RSPO2: variants seen among roughly 807,000 people sequenced by gnomAD.
RSPO2 encodes the protein R-spondin-2.
RSPO2 carries 14 observed loss-of-function variants against 30.9 expected under a neutral mutation model. The ratio of observed to expected loss-of-function variants is 0.45; its 90% CI spans 0.30 to 0.71. The LOEUF (loss-of-function observed/expected upper bound fraction) is 0.71, where lower values mean the gene tolerates loss of function less well. RSPO2 is among the 30% of genes least tolerant of loss of function. The probability of loss-of-function intolerance (pLI) is 0.08; values close to 1 mark genes in which losing one functional copy is unlikely to be tolerated. For synonymous variants in RSPO2, 107 were observed against 96.4 expected (o/e 1.11, Z -0.64); for missense variants, 264 against 301.9 (o/e 0.87, Z 0.93).
intron 2 of RSPO2, among the ~76,000 whole-genome samples, chr8:108,013,883 C>T (rs1482314695): frequency 1.3e-5 from 2 of 152,104 alleles, no homozygotes; most frequent in African/African-American, 4.8e-5. Flanking sequence ...TTCTGCACAG[C>T]AAGAGAAACT....
At chr8:108,056,437 G>A (rs915804152) in intron 2 of RSPO2, among the ~76,000 whole-genome samples, 4 of 148,142 alleles carry the variant, frequency 2.7e-5, no homozygotes, top group Admixed American at 1.3e-4. Flanking sequence ...TGGGCAACAT[G>A]GCAAAACCCC....
chr8:107,914,167 C>T (rs1811905641), intron 5 of RSPO2, among the ~76,000 whole-genome samples: 1 of 152,018 alleles, frequency 6.6e-6, no homozygotes, highest in Non-Finnish European at 1.5e-5. Flanking sequence ...CAAAACAAAC[C>T]TTCCATGATC....
At chr8:108,051,416 C>A (rs2130679665) in intron 2 of RSPO2, among the ~76,000 whole-genome samples, 1 of 152,244 alleles carries the variant, frequency 6.6e-6, no homozygotes, top group African/African-American at 2.4e-5. Flanking sequence ...AAAATGTTTT[C>A]TTTGGAACTG....
At chr8:107,939,121 T>C (rs1165277246) in intron 5 of RSPO2, among the ~76,000 whole-genome samples, 1 of 152,116 alleles carries the variant, frequency 6.6e-6, no homozygotes, top group East Asian at 1.9e-4. Flanking sequence ...ATAAGATAAT[T>C]CTTGCTTGTT....
intron 5 of RSPO2, among the ~76,000 whole-genome samples, chr8:107,913,088 A>AG (rs60834717): frequency 0.097 from 14,722 of 152,270 alleles, 832 homozygotes; most frequent in East Asian, 0.18. Context: ...TTTAAGGTGA[A>AG]GATATCCCAA....
chr8:108,008,790 A>AAAAT (rs1450787422), intron 2 of RSPO2, among the ~76,000 whole-genome samples: 2 of 149,420 alleles, frequency 1.3e-5, no homozygotes, highest in Admixed American at 1.3e-4. Context: ...TAAACTGCAA[A>AAAAT]AAAAAAAAAA....
intron 3 of RSPO2, among the ~76,000 whole-genome samples, chr8:107,967,199 C>A (rs1813834455): frequency 1.3e-5 from 2 of 152,122 alleles, no homozygotes; most frequent in Admixed American, 1.3e-4. Context: ...AGTTTGTTCC[C>A]AAAACATTCA....
In RSPO2 at chr8:107,925,548, T is replaced by TC. The variant is rs898137375; in HGVS notation, c.617-24359dup. Among the ~76,000 whole-genome samples, 13 of 151,774 alleles carry TC rather than the reference T, an allele frequency of 8.6e-5. No homozygotes were observed. The East Asian group carries it at 1.6e-3, about 18-fold the overall frequency. ...TAGGTATTTCTCCTAATGCTATCCC[T>TC]CCCCCCTCCTCCCACCCCACATCAG... On this transcript the variant is annotated intron_variant, in intron 5 of 5. Coordinates refer to ENST00000276659, the MANE Select transcript of RSPO2 (RefSeq NM_178565.5).
chr8:107,997,388 A>G (rs1815065566), intron 2 of RSPO2: 1 of 152,310 alleles, frequency 6.6e-6, no homozygotes, highest in South Asian at 2.1e-4. Context: ...TTTGATGACC[A>G]TGTTTATTTG....
At chr8:107,944,077 A>G (rs1301168083) in intron 5 of RSPO2, among the ~76,000 whole-genome samples, 1 of 152,240 alleles carries the variant, frequency 6.6e-6, no homozygotes, top group Non-Finnish European at 1.5e-5. Flanking sequence ...CAAATAAGCC[A>G]AAGTCTTTTG....
intron 2 of RSPO2, 86 bp downstream of exon 2, chr8:108,082,459 T>C: frequency 9.8e-7 from 1 of 1,021,444 alleles, no homozygotes; most frequent in Non-Finnish European, 1.5e-6. Flanking sequence ...CCTGACCATC[T>C]GAGCCCCCGG....
intron 5 of RSPO2, among the ~76,000 whole-genome samples, chr8:107,918,086 A>G (rs1812034154): frequency 6.6e-6 from 1 of 152,180 alleles, no homozygotes; most frequent in African/African-American, 2.4e-5. Context: ...ACAGGAGTTA[A>G]TTGAATGGAC....
At chr8:108,082,908 G>C in intron 1 of RSPO2, 101 bp from the exon 2 acceptor site, 1 of 459,726 alleles carries the variant, frequency 2.2e-6, no homozygotes, top group Non-Finnish European at 3.8e-6. Context: ...GAGAGGGAAG[G>C]AGGAAGCGAA....
chr8:107,999,021 G>A (rs1193461465), intron 2 of RSPO2, among the ~76,000 whole-genome samples: 2 of 152,136 alleles, frequency 1.3e-5, no homozygotes, highest in Non-Finnish European at 2.9e-5. Context: ...ACTCCAGTCA[G>A]TAAGACTCCA....
chr8:107,911,114 C>G (rs1586533982), intron 5 of RSPO2, among the ~76,000 whole-genome samples: 1 of 152,146 alleles, frequency 6.6e-6, no homozygotes, highest in African/African-American at 2.4e-5. Flanking sequence ...TAGGCTCCCC[C>G]ACGGCTTCTG....
chr8:108,020,247 C>G (rs570649155), intron 2 of RSPO2, among the ~76,000 whole-genome samples: 1 of 152,226 alleles, frequency 6.6e-6, no homozygotes, highest in South Asian at 2.1e-4. Context: ...GTATCTTTCA[C>G]TCTGTTCTCT....
intron 5 of RSPO2, among the ~76,000 whole-genome samples, chr8:107,952,465 T>G (rs1371081606): frequency 6.6e-6 from 1 of 152,180 alleles, no homozygotes; most frequent in Non-Finnish European, 1.5e-5. Flanking sequence ...GAATTTCCTT[T>G]TAGATGCTCT....
At chr8:108,021,793 G>C (rs1811066914) in intron 2 of RSPO2, among the ~76,000 whole-genome samples, 1 of 151,940 alleles carries the variant, frequency 6.6e-6, no homozygotes, top group South Asian at 2.1e-4. Flanking sequence ...GGGACAAGGG[G>C]AGGGACAGCA....
intron 5 of RSPO2, among the ~76,000 whole-genome samples, chr8:107,920,115 T>C (rs1218297384): frequency 9.0e-6 from 1 of 111,436 alleles, no homozygotes; most frequent in Non-Finnish European, 2.1e-5. Flanking sequence ...GGTTATGTAT[T>C]AGGAGGAAGA....
Sources: allele counts gnomAD v4.1 joint callset (sites outside exome capture counted in the v4.1 genomes callset), GRCh38; gene constraint gnomAD v4.1.1; transcripts MANE v1.5; gene names NCBI Gene and HGNC (gene_info 2026-07-23, HGNC 2026-07-21).